PRKCA: variants seen among roughly 807,000 people sequenced by gnomAD.
PRKCA encodes the protein protein kinase C alpha type.
In PRKCA, 27 loss-of-function variants were observed where a neutral mutation model predicts 87.0. The observed-to-expected ratio is 0.31, with a 90% confidence interval of 0.23 to 0.43. The LOEUF (loss-of-function observed/expected upper bound fraction) is 0.43, where lower values mean the gene tolerates loss of function less well. Among genes scored for constraint, PRKCA ranks in the 20% least tolerant of loss-of-function variants. The pLI is 1.00. For missense variants in PRKCA, 518 were observed against 852.3 expected (o/e 0.61, Z 4.88); for synonymous variants, 329 against 311.1 (o/e 1.06, Z -0.61).
At chr17:66,410,699 C>A (rs1911738489) in intron 2 of PRKCA, among the ~76,000 whole-genome samples, 1 of 152,126 alleles carries the variant, frequency 6.6e-6, no homozygotes, top group South Asian at 2.1e-4. Flanking sequence ...CCTCAGCCTC[C>A]CGAGTAGCTG....
At chr17:66,394,747 T>A (rs1238266943) in intron 2 of PRKCA, among the ~76,000 whole-genome samples, 2 of 152,178 alleles carry the variant, frequency 1.3e-5, no homozygotes, top group African/African-American at 4.8e-5. Flanking sequence ...TCCCCCATGC[T>A]GTTCTTGTGA....
At chr17:66,705,534 C>G (rs1293611171) in intron 8 of PRKCA, among the ~76,000 whole-genome samples, 1 of 152,176 alleles carries the variant, frequency 6.6e-6, no homozygotes, top group East Asian at 1.9e-4. Flanking sequence ...CTAATGAATT[C>G]CTGAAACAGC....
At chr17:66,552,484 G>A (rs1968367970) in intron 3 of PRKCA, among the ~76,000 whole-genome samples, 1 of 152,178 alleles carries the variant, frequency 6.6e-6, no homozygotes, top group Admixed American at 6.5e-5. Context: ...GCTCGACTGG[G>A]GAAGGATCTG....
chr17:66,729,353 G>A (rs1254675183), intron 8 of PRKCA, among the ~76,000 whole-genome samples: 1 of 152,144 alleles, frequency 6.6e-6, no homozygotes, highest in Non-Finnish European at 1.5e-5. Context: ...GCAGTGAGCT[G>A]GGATCGCACC....
intron 2 of PRKCA, among the ~76,000 whole-genome samples, chr17:66,334,365 AGT>A (rs1332022455): frequency 6.6e-6 from 1 of 152,196 alleles, no homozygotes; most frequent in Non-Finnish European, 1.5e-5. Context: ...TGTCTTTTTA[AGT>A]GTGTGTGTGC....
intron 2 of PRKCA, among the ~76,000 whole-genome samples, chr17:66,316,606 G>T (rs151288331): frequency 6.6e-6 from 1 of 152,092 alleles, no homozygotes; most frequent in Non-Finnish European, 1.5e-5. Context: ...AGTTCTTCCA[G>T]TGTGGCCCAG....
At chr17:66,325,141 A>G (rs1776186784) in intron 2 of PRKCA, among the ~76,000 whole-genome samples, 1 of 152,272 alleles carries the variant, frequency 6.6e-6, no homozygotes, top group African/African-American at 2.4e-5. Context: ...ATCCATTGAA[A>G]TATTGAACAT....
intron 2 of PRKCA, among the ~76,000 whole-genome samples, chr17:66,319,862 C>T (rs1905546202): frequency 6.6e-6 from 1 of 152,046 alleles, no homozygotes; most frequent in Non-Finnish European, 1.5e-5. Flanking sequence ...CTGCCTCAGC[C>T]TCCTAAGTAG....
chr17:66,683,735 G>T (rs1407188935), intron 5 of PRKCA, among the ~76,000 whole-genome samples: 1 of 152,094 alleles, frequency 6.6e-6, no homozygotes, highest in Non-Finnish European at 1.5e-5. Context: ...GAGTATCTGG[G>T]ATTACAGGTG....
intron 2 of PRKCA, among the ~76,000 whole-genome samples, chr17:66,459,239 GAGGTGGTGGTACACACCTGTAGTCCC>G (rs1914725036): frequency 6.6e-6 from 1 of 151,832 alleles, no homozygotes; most frequent in African/African-American, 2.4e-5. Context: ...AAATTAGCTG[GAGGTGGTGGTACACACCTGTAGTCCC>G]AGCTACTCAG....
intron 3 of PRKCA, among the ~76,000 whole-genome samples, chr17:66,504,698 GAGAATGCAGGAAGAGCTTCATAA>G (rs1294709217): frequency 3.9e-5 from 6 of 152,190 alleles, no homozygotes; most frequent in African/African-American, 1.4e-4. Flanking sequence ...CATCTAATGG[GAGAATGCAGGAAGAGCTTCATAA>G]AGATGGTGAC....
intron 3 of PRKCA, among the ~76,000 whole-genome samples, chr17:66,566,973 A>G (rs540313556): frequency 1.1e-4 from 17 of 152,312 alleles, no homozygotes; most frequent in African/African-American, 4.1e-4. Flanking sequence ...AATTTATCCC[A>G]TAGATAACTA....
intron 2 of PRKCA, among the ~76,000 whole-genome samples, chr17:66,399,095 C>G (rs1001952736): frequency 1.7e-5 from 2 of 119,414 alleles, no homozygotes; most frequent in Admixed American, 9.2e-5. Context: ...CTTTTCTTTT[C>G]TTTTCTTTTT....
At chr17:66,406,346 C>T (rs1297325820) in intron 2 of PRKCA, among the ~76,000 whole-genome samples, 1 of 152,118 alleles carries the variant, frequency 6.6e-6, no homozygotes, top group African/African-American at 2.4e-5. Flanking sequence ...ATTGGATGCT[C>T]TTAAAGTTCT....
At chr17:66,743,300 C>T (rs936822810) in intron 13 of PRKCA, among the ~76,000 whole-genome samples, 1 of 152,204 alleles carries the variant, frequency 6.6e-6, no homozygotes, top group Non-Finnish European at 1.5e-5. Context: ...GCACTCCAGC[C>T]TGGGTGACAG....
intron 5 of PRKCA, among the ~76,000 whole-genome samples, chr17:66,674,860 G>A (rs1184558981): frequency 1.3e-5 from 2 of 152,144 alleles, no homozygotes; most frequent in African/African-American, 4.8e-5. Flanking sequence ...CTGTCCTGTC[G>A]ACTCTTCATT....
At chr17:66,457,843 G>C (rs1598689245) in intron 2 of PRKCA, among the ~76,000 whole-genome samples, 1 of 152,128 alleles carries the variant, frequency 6.6e-6, no homozygotes, top group East Asian at 1.9e-4. Flanking sequence ...CCCAGTCTTA[G>C]GTATGTCTTT....
At chr17:66,612,910 C>CTATAGAGTATG (rs1970408738) in intron 3 of PRKCA, among the ~76,000 whole-genome samples, 2 of 152,170 alleles carry the variant, frequency 1.3e-5, no homozygotes, top group East Asian at 3.9e-4. Context: ...ATTTGTCAAA[C>CTATAGAGTATG]TATAGAGTAT....
At chr17:66,684,290 G>T (rs1251910549) in intron 5 of PRKCA, among the ~76,000 whole-genome samples, 1 of 152,160 alleles carries the variant, frequency 6.6e-6, no homozygotes, top group African/African-American at 2.4e-5. Flanking sequence ...CATAATCCTT[G>T]CTTGAAGGAG....
Sources: gnomAD v4.1 joint callset for allele counts (sites outside exome capture counted in the v4.1 genomes callset) on GRCh38, gnomAD v4.1.1 for gene constraint, MANE v1.5 for transcripts, NCBI Gene and HGNC (gene_info 2026-07-23, HGNC 2026-07-21) for gene names.